HS3ST2: variants seen among roughly 807,000 people sequenced by gnomAD.
HS3ST2 encodes heparan sulfate-glucosamine 3-sulfotransferase 2, also known as heparan sulfate glucosamine 3-O-sulfotransferase 2.
Under a neutral mutation model 26.3 loss-of-function variants are expected in HS3ST2, and 17 were observed. The observed-to-expected ratio is 0.65, with a 90% CI of 0.44 to 0.97. HS3ST2 has a LOEUF of 0.97. Among genes scored for constraint, HS3ST2 ranks in the 50% least tolerant of loss-of-function variants. The pLI is 0.00. For missense variants in HS3ST2, 402 were observed against 501.2 expected (o/e 0.80, Z 1.89); for synonymous variants, 237 against 219.2 (o/e 1.08, Z -0.72).
chr16:22,877,142 G>T (rs1421141436), intron 1 of HS3ST2, among the ~76,000 whole-genome samples: 2 of 152,130 alleles, frequency 1.3e-5, no homozygotes, highest in African/African-American at 4.8e-5. Flanking sequence ...CAAAAAAAAT[G>T]TCAGCTATAT....
chr16:22,914,201 A>T (rs1902460257), intron 1 of HS3ST2, among the ~76,000 whole-genome samples: 1 of 151,886 alleles, frequency 6.6e-6, no homozygotes, highest in African/African-American at 2.4e-5. Flanking sequence ...CACTCACCTC[A>T]AGTTTCCTCC....
chr16:22,896,918 C>T (rs1236146934), intron 1 of HS3ST2, among the ~76,000 whole-genome samples: 1 of 152,198 alleles, frequency 6.6e-6, no homozygotes, highest in Non-Finnish European at 1.5e-5. Context: ...GTGATCCTCC[C>T]ACCTCAGCCC....
At chr16:22,885,818 G>A (rs553084612) in intron 1 of HS3ST2, among the ~76,000 whole-genome samples, 1 of 152,258 alleles carries the variant, frequency 6.6e-6, no homozygotes, top group East Asian at 1.9e-4. Flanking sequence ...AGACTGAGCA[G>A]AAGGTTCTGC....
In HS3ST2 at chr16:22,915,721, A is replaced by G; in HGVS notation, c.*159A>G. On this transcript the variant is annotated 3_prime_UTR_variant, in exon 2 of 2. Coordinates refer to ENST00000261374, the MANE Select transcript of HS3ST2 (RefSeq NM_006043.2). ...GAACCAGGAAGCCCAGCTAAAGCCAAGAGACCAGAGAGTCCCTGCCACTAG... is the reference window on the plus strand; with the variant it reads ...GAACCAGGAAGCCCAGCTAAAGCCAGGAGACCAGAGAGTCCCTGCCACTAG... The G allele has an allele frequency of 1.4e-6, 1 of 723,490 alleles. No homozygotes were observed. Among genetic ancestry groups the G allele is most frequent in the Non-Finnish European group, 2.3e-6 (1 of 437,992 alleles). The allele number at this position is 723,490 out of a possible 1,614,324, so 44.8% of individuals were successfully genotyped here. A position where few individuals can be genotyped will look rare whatever the true frequency, so the allele number is the denominator to read the frequency against.
intron 1 of HS3ST2, among the ~76,000 whole-genome samples, chr16:22,816,949 T>TCCCTC (rs1369432420): frequency 6.6e-6 from 1 of 152,082 alleles, no homozygotes; most frequent in Non-Finnish European, 1.5e-5. Context: ...CAGACTCTCC[T>TCCCTC]CCCTCCCCTC....
At chr16:22,819,132 A>ATTCC (rs1222795209) in intron 1 of HS3ST2, among the ~76,000 whole-genome samples, 4 of 6,478 alleles carry the variant, frequency 6.2e-4, no homozygotes, top group South Asian at 5.6e-3. Context: ...TCCTTCCTTC[A>ATTCC]TTCCTTCCTT....
chr16:22,871,798 C>T (rs1377737400), intron 1 of HS3ST2, among the ~76,000 whole-genome samples: 1 of 152,194 alleles, frequency 6.6e-6, no homozygotes, highest in African/African-American at 2.4e-5. Flanking sequence ...AAGACTCCTA[C>T]ATTGAGGGCA....
intron 1 of HS3ST2, among the ~76,000 whole-genome samples, chr16:22,831,593 A>ATTTTTTTTTTT (rs11383417): frequency 6.7e-6 from 1 of 148,384 alleles, no homozygotes. Flanking sequence ...GGGCTAACCC[A>ATTTTTTTTTTT]TTTTTTTTTT....
At chr16:22,886,172 A>G (rs964489560) in intron 1 of HS3ST2, among the ~76,000 whole-genome samples, 1 of 152,188 alleles carries the variant, frequency 6.6e-6, no homozygotes, top group African/African-American at 2.4e-5. Context: ...ATTAAACCCA[A>G]AGCAGCTCAT....
At chr16:22,833,358 G>A (rs1901204285) in intron 1 of HS3ST2, 1 of 455,044 alleles carries the variant, frequency 2.2e-6, no homozygotes, top group South Asian at 1.6e-5. Context: ...AGACAAGAAT[G>A]TGTGTCTTGC....
intron 1 of HS3ST2, among the ~76,000 whole-genome samples, chr16:22,823,108 G>A (rs1323229567): frequency 6.6e-6 from 1 of 152,104 alleles, no homozygotes. Context: ...ACTTTATTTT[G>A]AAGCCACCCT....
At chr16:22,872,083 A>G (rs1901846948) in intron 1 of HS3ST2, among the ~76,000 whole-genome samples, 1 of 152,240 alleles carries the variant, frequency 6.6e-6, no homozygotes, top group Non-Finnish European at 1.5e-5. Context: ...CCAATAGTAC[A>G]GCAGACACTT....
At chr16:22,822,802 T>G (rs1230929410) in intron 1 of HS3ST2, among the ~76,000 whole-genome samples, 1 of 146,388 alleles carries the variant, frequency 6.8e-6, no homozygotes, top group Admixed American at 6.9e-5. Flanking sequence ...TTGCAGTGAG[T>G]CAAGATAGCA....
chr16:22,888,392 TC>T (rs1567497449), intron 1 of HS3ST2, among the ~76,000 whole-genome samples: 10 of 142,954 alleles, frequency 7.0e-5, no homozygotes, highest in South Asian at 4.6e-4. Context: ...TTTTTTTTTT[TC>T]TTTTTTTTTT....
rs1188299375 is a variant in HS3ST2, at chr16:22,814,607, A to C, written c.-4A>C. 1 of 1,528,224 alleles carries C rather than the reference A, an allele frequency of 6.5e-7. No homozygotes were observed. The highest frequency in any genetic ancestry group is 1.4e-5 in the African/African-American group (1 of 70,358). The allele number at this position is 1,528,224 out of a possible 1,614,324, so 94.7% of individuals were successfully genotyped here. On this transcript the variant is annotated 5_prime_UTR_variant, in exon 1 of 2. Transcript: ENST00000261374. ...CATGACCCCCGGCGCGGGCCCATGGAGCCATGGCCTATAGGGTCCTGGGCC... is the reference window on the plus strand; with the variant it reads ...CATGACCCCCGGCGCGGGCCCATGGCGCCATGGCCTATAGGGTCCTGGGCC...
At chr16:22,858,755 A>G (rs1164160744) in intron 1 of HS3ST2, among the ~76,000 whole-genome samples, 1 of 152,100 alleles carries the variant, frequency 6.6e-6, no homozygotes, top group Non-Finnish European at 1.5e-5. Context: ...AATGAGGAAA[A>G]TGGTTCCTTC....
chr16:22,876,321 T>C (rs1901916246), intron 1 of HS3ST2, among the ~76,000 whole-genome samples: 1 of 152,022 alleles, frequency 6.6e-6, no homozygotes, highest in Admixed American at 6.5e-5. Flanking sequence ...AAAAAAGATA[T>C]ACAAATGGCC....
intron 1 of HS3ST2, among the ~76,000 whole-genome samples, chr16:22,903,129 C>T (rs1902302486): frequency 6.6e-6 from 1 of 152,036 alleles, no homozygotes; most frequent in Non-Finnish European, 1.5e-5. Flanking sequence ...TGTCCTCATG[C>T]CAAGATTCAT....
intron 1 of HS3ST2, among the ~76,000 whole-genome samples, chr16:22,887,557 CACAA>C (rs1902076804): frequency 6.6e-6 from 1 of 152,186 alleles, no homozygotes; most frequent in Non-Finnish European, 1.5e-5. Flanking sequence ...TTTGGGATGA[CACAA>C]ACACTCAGTC....
Sources: allele counts gnomAD v4.1 joint callset (sites outside exome capture counted in the v4.1 genomes callset), GRCh38; gene constraint gnomAD v4.1.1; transcripts MANE v1.5; gene names NCBI Gene and HGNC (gene_info 2026-07-23, HGNC 2026-07-21).